The following RERE variants were observed in gnomAD, a reference collection of about 807,000 sequenced individuals.
The protein encoded by RERE is arginine-glutamic acid dipeptide repeats protein.
RERE carries 40 observed loss-of-function variants against 146.1 expected under a neutral mutation model. The observed-to-expected ratio is 0.27, with a 90% CI of 0.21 to 0.36. The LOEUF (loss-of-function observed/expected upper bound fraction) is 0.36, where lower values mean the gene tolerates loss of function less well. Among genes scored for constraint, RERE ranks in the 10% least tolerant of loss-of-function variants. RERE has a pLI of 1.00. For missense variants in RERE, 1,933 were observed against 2,138.7 expected, an observed-to-expected ratio of 0.90 and a Z score of 1.90; for synonymous variants, 1,003 against 866.0, an observed-to-expected ratio of 1.16 and a Z score of -2.78.
chr1:8,541,671 T>A (rs554244340), intron 6 of RERE, among the ~76,000 whole-genome samples: 3 of 151,384 alleles, frequency 2.0e-5, no homozygotes, highest in African/African-American at 7.3e-5. Context: ...TTCTAAATCA[T>A]AAAAAAAAAT....
chr1:8,647,641 A>ATATGTGTGTGTGTGTGTGTGTGTGTG (rs371893375), intron 2 of RERE, among the ~76,000 whole-genome samples: 3 of 148,642 alleles, frequency 2.0e-5, no homozygotes, highest in African/African-American at 4.9e-5. Context: ...TAAAATATGT[A>ATATGTGTGTGTGTGTGTGTGTGTGTG]TGTGTGTGTG....
chr1:8,627,651 C>T (rs575311534), intron 2 of RERE, among the ~76,000 whole-genome samples: 62 of 149,420 alleles, frequency 4.1e-4, no homozygotes, highest in Non-Finnish European at 6.5e-4. Context: ...GCAAAGACTA[C>T]GCATGTTTTT....
intron 5 of RERE, 68 bp from the exon 6 acceptor site, chr1:8,556,639 A>C: frequency 9.7e-7 from 1 of 1,026,160 alleles, no homozygotes; most frequent in South Asian, 1.3e-5. Flanking sequence ...AAATTTGTAA[A>C]ACTTTTCTTT....
At chr1:8,400,032 A>T (rs1224051827) in intron 12 of RERE, among the ~76,000 whole-genome samples, 1 of 151,914 alleles carries the variant, frequency 6.6e-6, no homozygotes, top group Non-Finnish European at 1.5e-5. Context: ...CCGGCTCAGT[A>T]TTTTTAATAT....
Position 8,476,394 on chromosome 1 carries a change from C to T in RERE, c.1105-10371G>A, listed in dbSNP as rs74747209. 1.8e-3 allele frequency among the ~76,000 whole-genome samples: 267 copies of T among 152,172 alleles called. 1 individual carries two copies. The highest frequency in any genetic ancestry group is 3.3e-3 in the Non-Finnish European group (224 of 68,004). On this transcript the variant is annotated intron_variant, in intron 10 of 22. Coordinates refer to ENST00000400908, the MANE Select transcript of RERE (RefSeq NM_001042681.2). ...GGCAATCTGGTGGGAGCAATGGGTA[C>T]GGGGACTTTTTCCGCTGCAGTGACA... is the stretch of plus-strand genomic sequence containing the variant.
At chr1:8,433,057 T>C (rs1644116783) in intron 11 of RERE, among the ~76,000 whole-genome samples, 1 of 152,200 alleles carries the variant, frequency 6.6e-6, no homozygotes, top group African/African-American at 2.4e-5. Context: ...TCGGAGATTA[T>C]ATGCTGTATG....
chr1:8,426,169 T>G (rs971121591), intron 11 of RERE, among the ~76,000 whole-genome samples: 4 of 152,178 alleles, frequency 2.6e-5, no homozygotes, highest in African/African-American at 9.7e-5. Flanking sequence ...AAGAAGTGTC[T>G]TTCAGCCGGG....
chr1:8,517,560 CTT>C (rs1032093069), intron 7 of RERE, among the ~76,000 whole-genome samples: 5 of 152,108 alleles, frequency 3.3e-5, no homozygotes, highest in African/African-American at 1.2e-4. Context: ...TTCAAAACAA[CTT>C]AAGTTCAGCC....
At chr1:8,502,042 G>GA (rs1645172780) in intron 8 of RERE, among the ~76,000 whole-genome samples, 2 of 78,606 alleles carry the variant, frequency 2.5e-5, no homozygotes, top group East Asian at 1.0e-3. Context: ...GGTGGGGGGG[G>GA]TCAGCCCCCC....
chr1:8,816,562 T>C (rs1156822401), intron 1 of RERE, among the ~76,000 whole-genome samples: 2 of 152,182 alleles, frequency 1.3e-5, no homozygotes, highest in Non-Finnish European at 2.9e-5. Flanking sequence ...CACGTGTATG[T>C]AAAACTACGA....
chr1:8,574,843 TAGAC>T (rs1646270890), intron 4 of RERE, among the ~76,000 whole-genome samples: 1 of 152,210 alleles, frequency 6.6e-6, no homozygotes, highest in African/African-American at 2.4e-5. Flanking sequence ...TACCAGAAGT[TAGAC>T]AGATGTGTTC....
intron 1 of RERE, among the ~76,000 whole-genome samples, chr1:8,763,318 A>G (rs2124533953): frequency 6.6e-6 from 1 of 152,256 alleles, no homozygotes; most frequent in East Asian, 1.9e-4. Flanking sequence ...TCCCATAATC[A>G]AGAGTTTCCA....
At chr1:8,606,087 A>G (rs1369569034) in intron 4 of RERE, among the ~76,000 whole-genome samples, 1 of 152,110 alleles carries the variant, frequency 6.6e-6, no homozygotes, top group Non-Finnish European at 1.5e-5. Flanking sequence ...AAGTGTTGAG[A>G]TTACAGGCAT....
At chr1:8,750,775 A>G in intron 1 of RERE, 1 of 791,466 alleles carries the variant, frequency 1.3e-6, no homozygotes, top group Non-Finnish European at 2.3e-6. Flanking sequence ...GCCTTTATCA[A>G]ATCTTCAGTG....
chr1:8,654,848 G>T (rs774977479), intron 2 of RERE, among the ~76,000 whole-genome samples: 24 of 152,036 alleles, frequency 1.6e-4, no homozygotes, highest in Non-Finnish European at 3.4e-4. Flanking sequence ...CGTTGCCCAG[G>T]CTGGTCTTGA....
chr1:8,406,176 C>T (rs374965228), intron 12 of RERE, among the ~76,000 whole-genome samples: 5 of 152,124 alleles, frequency 3.3e-5, no homozygotes, highest in South Asian at 2.1e-4. Context: ...CGGATCACTA[C>T]GGCCTCAACC....
At chr1:8,451,272 A>G (rs2124071290) in intron 11 of RERE, among the ~76,000 whole-genome samples, 1 of 152,282 alleles carries the variant, frequency 6.6e-6, no homozygotes, top group Non-Finnish European at 1.5e-5. Flanking sequence ...CTCTACTAAA[A>G]ATACAAAAAT....
chr1:8,487,005 C>T (rs1359292408), intron 10 of RERE, among the ~76,000 whole-genome samples: 1 of 152,144 alleles, frequency 6.6e-6, no homozygotes, highest in Non-Finnish European at 1.5e-5. Context: ...AAGACTACAA[C>T]TCAGTATCTC....
intron 1 of RERE, among the ~76,000 whole-genome samples, chr1:8,677,456 A>G (rs1403034850): frequency 7.2e-6 from 1 of 138,774 alleles, no homozygotes; most frequent in African/African-American, 2.8e-5. Flanking sequence ...AAAGAAAAGA[A>G]AAAAAAAAAA....
Sources: gnomAD v4.1 joint callset for allele counts (sites outside exome capture counted in the v4.1 genomes callset) on GRCh38, gnomAD v4.1.1 for gene constraint, MANE v1.5 for transcripts, NCBI Gene and HGNC (gene_info 2026-07-23, HGNC 2026-07-21) for gene names.